CNTN3: variants seen among roughly 807,000 people sequenced by gnomAD.
The protein encoded by CNTN3 is contactin-3.
In CNTN3, 60 loss-of-function variants were observed where a neutral mutation model predicts 119.1. The ratio of observed to expected loss-of-function variants is 0.50; its 90% CI spans 0.41 to 0.62. The LOEUF (loss-of-function observed/expected upper bound fraction) is 0.62. CNTN3 is among the 20% of genes least tolerant of loss of function. The probability of loss-of-function intolerance (pLI) is 0.00; values close to 1 mark genes in which losing one functional copy is unlikely to be tolerated. For missense variants in CNTN3, 1,101 were observed against 1,242.4 expected (o/e 0.89, Z 1.71); for synonymous variants, 450 against 438.7 (o/e 1.03, Z -0.32).
At chr3:74,461,870 T>C (rs1432640153) in intron 4 of CNTN3, among the ~76,000 whole-genome samples, 2 of 152,098 alleles carry the variant, frequency 1.3e-5, no homozygotes, top group African/African-American at 4.8e-5. Flanking sequence ...TCAACATAAC[T>C]ACAAGCAATA....
At chr3:74,614,340 G>A (rs1403203311) in intron 1 of CNTN3, among the ~76,000 whole-genome samples, 51 bp downstream of exon 1, 3 of 152,006 alleles carry the variant, frequency 2.0e-5, no homozygotes, top group African/African-American at 4.8e-5. Flanking sequence ...CTGGCAGGTG[G>A]CTCATCCCTG....
At chr3:74,536,201 A>G (rs1703762930) in intron 1 of CNTN3, among the ~76,000 whole-genome samples, 1 of 152,044 alleles carries the variant, frequency 6.6e-6, no homozygotes, top group Non-Finnish European at 1.5e-5. Flanking sequence ...AAACTTTGCA[A>G]CAAATGTTCA....
intron 16 of CNTN3, among the ~76,000 whole-genome samples, chr3:74,300,219 C>T (rs1702426905): frequency 6.6e-6 from 1 of 152,066 alleles, no homozygotes; most frequent in South Asian, 2.1e-4. Context: ...TAGTATGAGA[C>T]TTAAAACAAG....
chr3:74,527,517 C>T (rs994579667), intron 1 of CNTN3, among the ~76,000 whole-genome samples: 17 of 151,880 alleles, frequency 1.1e-4, no homozygotes, highest in African/African-American at 4.1e-4. Context: ...CTGGCAAGAC[C>T]AACATCACTG....
intron 5 of CNTN3, among the ~76,000 whole-genome samples, chr3:74,392,370 G>A (rs562836076): frequency 3.3e-5 from 5 of 151,778 alleles, no homozygotes; most frequent in African/African-American, 9.7e-5. Flanking sequence ...CTTTACTTTT[G>A]TCTTTCCTTT....
chr3:74,330,285 G>A (rs1205477991), intron 13 of CNTN3, among the ~76,000 whole-genome samples: 3 of 152,006 alleles, frequency 2.0e-5, no homozygotes, highest in African/African-American at 7.2e-5. Context: ...GAACCTGGGA[G>A]GCAGAGGTTG....
chr3:74,431,276 T>C (rs1701779371), intron 4 of CNTN3, among the ~76,000 whole-genome samples: 1 of 152,198 alleles, frequency 6.6e-6, no homozygotes, highest in Non-Finnish European at 1.5e-5. Flanking sequence ...TTTTCTGATA[T>C]TCTGTGCTCA....
chr3:74,266,430 G>GGATA (rs1440274392), intron 22 of CNTN3, 51 bp downstream of exon 22: 2 of 1,516,452 alleles, frequency 1.3e-6, no homozygotes, highest in Non-Finnish European at 1.8e-6. Context: ...TCACTATGGC[G>GGATA]GATAGTAACA....
intron 1 of CNTN3, among the ~76,000 whole-genome samples, 198 bp from the exon 2 acceptor site, chr3:74,521,390 T>C (rs950496371): frequency 1.3e-5 from 2 of 151,332 alleles, no homozygotes; most frequent in Non-Finnish European, 3.0e-5. Flanking sequence ...CATAGGTAGA[T>C]GGAAACGATC....
chr3:74,547,173 A>G (rs1444540100), intron 1 of CNTN3, among the ~76,000 whole-genome samples: 2 of 152,204 alleles, frequency 1.3e-5, no homozygotes, highest in African/African-American at 4.8e-5. Context: ...ACATATACAT[A>G]CATTGAGGGT....
chr3:74,456,482 G>T (rs1196040966), intron 4 of CNTN3, among the ~76,000 whole-genome samples: 1 of 152,034 alleles, frequency 6.6e-6, no homozygotes, highest in African/African-American at 2.4e-5. Flanking sequence ...TATGAAAAAT[G>T]ATGTGTTTAT....
chr3:74,363,131 T>C (rs1704113169), intron 10 of CNTN3, among the ~76,000 whole-genome samples: 2 of 152,182 alleles, frequency 1.3e-5, no homozygotes, highest in African/African-American at 4.8e-5. Flanking sequence ...TCTTTCAAGT[T>C]AAGACTTATA....
At chr3:74,379,121 A>C (rs1439198725) in intron 5 of CNTN3, among the ~76,000 whole-genome samples, 1 of 152,134 alleles carries the variant, frequency 6.6e-6, no homozygotes, top group East Asian at 1.9e-4. Context: ...CTTTCACCAC[A>C]TTGTGACTCT....
At chr3:74,298,887 AGG>A (rs778247083) in intron 17 of CNTN3, among the ~76,000 whole-genome samples, 1 of 142,608 alleles carries the variant, frequency 7.0e-6, no homozygotes. Flanking sequence ...GACTCCATCA[AGG>A]AAAAAAAAAA....
intron 1 of CNTN3, among the ~76,000 whole-genome samples, chr3:74,554,278 T>C (rs1250561738): frequency 6.6e-6 from 1 of 152,232 alleles, no homozygotes; most frequent in African/African-American, 2.4e-5. Context: ...TTGGTCTATA[T>C]ATCTGTTTTG....
intron 1 of CNTN3, among the ~76,000 whole-genome samples, chr3:74,581,519 G>A (rs566229441): frequency 6.6e-6 from 1 of 152,194 alleles, no homozygotes; most frequent in East Asian, 1.9e-4. Context: ...TGAGTGAAAG[G>A]TTCATCATTG....
At chr3:74,609,803 C>T (rs1046580100) in intron 1 of CNTN3, among the ~76,000 whole-genome samples, 6 of 152,102 alleles carry the variant, frequency 3.9e-5, no homozygotes, top group Admixed American at 2.6e-4. Context: ...AGCTGCTTTG[C>T]AATAATGCAT....
chr3:74,482,998 G>T (rs777026455), intron 4 of CNTN3, among the ~76,000 whole-genome samples: 1 of 152,056 alleles, frequency 6.6e-6, no homozygotes, highest in African/African-American at 2.4e-5. Flanking sequence ...CCAACCACAT[G>T]AATATTAAAC....
intron 13 of CNTN3, among the ~76,000 whole-genome samples, chr3:74,326,143 A>G (rs1703125586): frequency 1.3e-5 from 2 of 152,098 alleles, no homozygotes; most frequent in African/African-American, 2.4e-5. Context: ...GTCTGTCATT[A>G]TATCTCTCTT....
Sources: allele counts gnomAD v4.1 joint callset (sites outside exome capture counted in the v4.1 genomes callset), GRCh38; gene constraint gnomAD v4.1.1; transcripts MANE v1.5; gene names NCBI Gene and HGNC (gene_info 2026-07-23, HGNC 2026-07-21).